Variants in PCDHA10 observed in about 807,000 individuals in gnomAD.
PCDHA10 encodes protocadherin alpha 10, also known as protocadherin alpha-10.
In PCDHA10, 45 loss-of-function variants were observed where a neutral mutation model predicts 61.2. The observed-to-expected ratio is 0.74, with a 90% CI of 0.58 to 0.94. The LOEUF (loss-of-function observed/expected upper bound fraction) is 0.94, where lower values mean the gene tolerates loss of function less well. PCDHA10 is among the 40% of genes least tolerant of loss of function. PCDHA10 has a pLI of 0.00. For missense variants in PCDHA10, 1,278 were observed against 1,236.2 expected (o/e 1.03, Z -0.51); for synonymous variants, 602 against 548.8 (o/e 1.10, Z -1.35).
intron 1 of PCDHA10, chr5:140,929,152 T>TA (rs1322546333): frequency 2.5e-6 from 4 of 1,614,072 alleles, no homozygotes; most frequent in Non-Finnish European, 3.4e-6. Flanking sequence ...TTCTCAGACT[T>TA]ATCTCTATCG....
At chr5:140,883,387 T>C in intron 1 of PCDHA10, 1 of 1,614,150 alleles carries the variant, frequency 6.2e-7, no homozygotes, top group Non-Finnish European at 8.5e-7. Flanking sequence ...CCCTAATCAG[T>C]GTGTCCGATC....
chr5:140,905,995 G>C (rs2072280853), intron 1 of PCDHA10, among the ~76,000 whole-genome samples: 1 of 152,114 alleles, frequency 6.6e-6, no homozygotes. Context: ...ATGTAGGCTG[G>C]GAGGCTAAGC....
rs143580970 is a variant in PCDHA10, at chr5:140,976,476, G to A, written c.2389-2473G>A. ...TGGGGAAGAAGAATTGCTTGAATCC[G>A]GGAGGCAGAGGTTGCAGGGAGCCAA... On this transcript the variant is annotated intron_variant, in intron 1 of 3. Transcript: ENST00000307360. 8.2e-3 allele frequency among the ~76,000 whole-genome samples: 1,253 copies of A among 152,132 alleles called. 22 individuals carry two copies. The highest frequency in any genetic ancestry group is 0.028 in the African/African-American group (1,179 of 41,504).
At chr5:140,862,911 G>C (rs781861917) in intron 1 of PCDHA10, 3 of 549,326 alleles carry the variant, frequency 5.5e-6, no homozygotes. Flanking sequence ...CGCTGCTGGC[G>C]CCTTGGGTGG....
chr5:140,870,704 T>A, intron 1 of PCDHA10: 1 of 1,612,984 alleles, frequency 6.2e-7, no homozygotes, highest in East Asian at 2.2e-5. Flanking sequence ...CAGTTCCAGG[T>A]GAGCGCGCGC....
intron 1 of PCDHA10, chr5:140,928,599 T>G: frequency 6.2e-7 from 1 of 1,614,224 alleles, no homozygotes. Context: ...CAGTGGAAAT[T>G]GTGCCCCGCT....
chr5:140,938,468 A>G (rs1427570517), intron 1 of PCDHA10, among the ~76,000 whole-genome samples: 1 of 152,096 alleles, frequency 6.6e-6, no homozygotes, highest in African/African-American at 2.4e-5. Context: ...TTAATTTATT[A>G]TGTTTTTTAA....
rs534013349 is a variant in PCDHA10, at chr5:140,881,427, A to G, written c.2388+22991A>G. ...AATCAATAGGATATTAGTTCCAGGC[A>G]TATTTTATAAAAACAGAATCCAAAA... On this transcript the variant is annotated intron_variant, in intron 1 of 3. Transcript: ENST00000307360. 6.5e-5 allele frequency: 58 copies of G among 895,354 alleles called. No individual in the cohort carries two copies. In the African/African-American group the frequency reaches 9.9e-4, roughly 15 times the overall value. The allele number at this position is 895,354 out of a possible 1,614,324, so 55.5% of individuals were successfully genotyped here. A position where few individuals can be genotyped will look rare whatever the true frequency, so the allele number is the denominator to read the frequency against.
intron 1 of PCDHA10, chr5:140,927,595 C>A (rs2084392576): frequency 1.2e-6 from 2 of 1,614,038 alleles, no homozygotes; most frequent in South Asian, 2.2e-5. Context: ...TGTATTTGAG[C>A]GCTCCGTATA....
chr5:140,900,927 G>A (rs2068371563), intron 1 of PCDHA10, among the ~76,000 whole-genome samples: 2 of 152,056 alleles, frequency 1.3e-5, no homozygotes, highest in South Asian at 4.1e-4. Context: ...ATATCTCATT[G>A]TAGTTTTGAT....
intron 1 of PCDHA10, among the ~76,000 whole-genome samples, chr5:140,904,548 A>T (rs1280388333): frequency 1.3e-5 from 2 of 152,050 alleles, no homozygotes; most frequent in Admixed American, 1.3e-4. Flanking sequence ...TCTTTTTCAT[A>T]TAATGACTTT....
intron 1 of PCDHA10, among the ~76,000 whole-genome samples, chr5:140,879,438 A>C (rs2057989809): frequency 6.6e-6 from 1 of 152,214 alleles, no homozygotes; most frequent in South Asian, 2.1e-4. Context: ...ACATTTAAGA[A>C]AATGTTACTT....
Position 141,010,486 on chromosome 5 carries a change from A to C in PCDHA10, c.*549A>C. 1 of 674,072 alleles carries C rather than the reference A, an allele frequency of 1.5e-6. No individual in the cohort carries two copies. Among genetic ancestry groups the C allele is most frequent in the Non-Finnish European group, 2.3e-6 (1 of 434,544 alleles). The allele number at this position is 674,072 out of a possible 1,614,324, so 41.8% of individuals were successfully genotyped here. On this transcript the variant is annotated 3_prime_UTR_variant, in exon 4 of 4. Transcript: ENST00000307360. ...GTATGGAGGGGAAGTGTAAACTTAAAGGGACCAGACTTTCTAAATCTTACA... is the reference window on the plus strand; with the variant it reads ...GTATGGAGGGGAAGTGTAAACTTAACGGGACCAGACTTTCTAAATCTTACA...
At chr5:140,971,434 A>T (rs1243393478) in intron 1 of PCDHA10, among the ~76,000 whole-genome samples, 1 of 152,188 alleles carries the variant, frequency 6.6e-6, no homozygotes, top group Non-Finnish European at 1.5e-5. Flanking sequence ...GAACCCCAAG[A>T]TCTACAGCTC....
chr5:140,962,595 A>G (rs1307695991), intron 1 of PCDHA10, among the ~76,000 whole-genome samples: 1 of 152,192 alleles, frequency 6.6e-6, no homozygotes, highest in Non-Finnish European at 1.5e-5. Flanking sequence ...TTTGACTGAT[A>G]TATTTCTTCT....
intron 1 of PCDHA10, chr5:140,967,137 T>C: frequency 1.2e-6 from 2 of 1,611,728 alleles, no homozygotes; most frequent in Non-Finnish European, 1.7e-6. Context: ...TTGGAAGTGC[T>C]GGCGCACAAC....
chr5:140,894,584 T>G (rs1554186162), intron 1 of PCDHA10, among the ~76,000 whole-genome samples: 1 of 152,006 alleles, frequency 6.6e-6, no homozygotes, highest in Non-Finnish European at 1.5e-5. Flanking sequence ...TTTTAATATT[T>G]TACTGAGTTT....
chr5:140,863,377 G>C (rs782482597), intron 1 of PCDHA10: 1 of 1,100,622 alleles, frequency 9.1e-7, no homozygotes, highest in African/African-American at 1.6e-5. Context: ...GCAGCTCACC[G>C]AGAGCTCGTG....
At chr5:140,897,712 G>A (rs1180745180) in intron 1 of PCDHA10, among the ~76,000 whole-genome samples, 3 of 152,162 alleles carry the variant, frequency 2.0e-5, no homozygotes, top group African/African-American at 7.2e-5. Context: ...CCAGTAATGG[G>A]ATGGCTGGGT....
Sources: gnomAD v4.1 joint callset for allele counts (sites outside exome capture counted in the v4.1 genomes callset) on GRCh38, gnomAD v4.1.1 for gene constraint, MANE v1.5 for transcripts, NCBI Gene and HGNC (gene_info 2026-07-23, HGNC 2026-07-21) for gene names.